DENND2B: variants seen among roughly 807,000 people sequenced by gnomAD.
The protein encoded by DENND2B is DENN domain-containing protein 2B.
Under a neutral mutation model 116.0 loss-of-function variants are expected in DENND2B, and 32 were observed. The observed-to-expected ratio is 0.28, with a 90% confidence interval of 0.21 to 0.37. DENND2B has a LOEUF of 0.37. DENND2B is among the 10% of genes least tolerant of loss of function. The pLI, the probability that DENND2B is intolerant of heterozygous loss-of-function variation, is 1.00. For missense variants in DENND2B, 1,276 were observed against 1,477.7 expected, an observed-to-expected ratio of 0.86 and a Z score of 2.24; for synonymous variants, 588 against 583.9, an observed-to-expected ratio of 1.01 and a Z score of -0.10.
At chr11:8,807,182 A>G (rs113250090) in intron 1 of DENND2B, among the ~76,000 whole-genome samples, 3 of 152,332 alleles carry the variant, frequency 2.0e-5, no homozygotes, top group South Asian at 2.1e-4. Flanking sequence ...CTTAGGCCCA[A>G]CGATGGAAAT....
chr11:8,842,015 A>G (rs2062640957), intron 3 of DENND2B, among the ~76,000 whole-genome samples: 1 of 152,206 alleles, frequency 6.6e-6, no homozygotes, highest in Non-Finnish European at 1.5e-5. Context: ...GTAGAAAGAA[A>G]TCTGCAATCA....
chr11:8,823,900 CTTCTT>C (rs2061862738), intron 4 of DENND2B, among the ~76,000 whole-genome samples: 1 of 103,578 alleles, frequency 9.7e-6, no homozygotes, highest in Non-Finnish European at 2.2e-5. Context: ...TCTTCTTCTT[CTTCTT>C]TTTTTTTTTT....
In DENND2B at chr11:8,695,564, C is replaced by T; in HGVS notation, c.3293-15G>A. On this transcript the variant is annotated splice_polypyrimidine_tract_variant and intron_variant, in intron 18 of 19. Transcript: ENST00000313726. ...CTCAAAAAGGCCTGGGTAAAAGAAA[C>T]AGGCACAGGGAAGAGAACAGTCATT... is the stretch of plus-strand genomic sequence containing the variant. 1 of 1,612,798 alleles carries T rather than the reference C, an allele frequency of 6.2e-7. No homozygotes were observed. The highest frequency in any genetic ancestry group is 8.5e-7 in the Non-Finnish European group (1 of 1,179,232).
chr11:8,714,442 C>T (rs1451454739), intron 7 of DENND2B, among the ~76,000 whole-genome samples, 168 bp downstream of exon 7: 2 of 152,238 alleles, frequency 1.3e-5, no homozygotes, highest in Non-Finnish European at 2.9e-5. Flanking sequence ...GCCTCACAGC[C>T]CAAAGTCTGA....
chr11:8,788,551 C>G (rs2059115160), intron 1 of DENND2B, among the ~76,000 whole-genome samples: 1 of 152,202 alleles, frequency 6.6e-6, no homozygotes, highest in African/African-American at 2.4e-5. Context: ...TACCCCACAT[C>G]TTCAAACTCT....
chr11:8,899,828 T>C (rs1199933603), intron 1 of DENND2B, among the ~76,000 whole-genome samples: 1 of 152,216 alleles, frequency 6.6e-6, no homozygotes, highest in Non-Finnish European at 1.5e-5. Flanking sequence ...TTTCTCACTT[T>C]TTCTCATAAC....
intron 1 of DENND2B, among the ~76,000 whole-genome samples, chr11:8,752,948 A>G (rs2052805916): frequency 6.6e-6 from 1 of 152,172 alleles, no homozygotes; most frequent in East Asian, 1.9e-4. Context: ...ATTAAAGATC[A>G]ATTTTGGGCC....
upstream of DENND2B, among the ~76,000 whole-genome samples, chr11:8,814,514 C>T (rs1485038512): frequency 6.6e-6 from 1 of 152,132 alleles, no homozygotes; most frequent in African/African-American, 2.4e-5. Flanking sequence ...TGCTGGGACA[C>T]TCCCCTACCA....
chr11:8,782,669 G>A (rs1593618869), intron 1 of DENND2B, among the ~76,000 whole-genome samples: 2 of 152,056 alleles, frequency 1.3e-5, no homozygotes, highest in African/African-American at 2.4e-5. Context: ...GGCAGATCAC[G>A]AGGTCAGGAG....
intron 4 of DENND2B, among the ~76,000 whole-genome samples, chr11:8,827,927 C>A (rs1227964694): frequency 1.3e-5 from 2 of 152,118 alleles, no homozygotes; most frequent in Non-Finnish European, 2.9e-5. Context: ...CCAGGTAATC[C>A]ATTTCCTCCT....
At chr11:8,858,459 A>C (rs903305791) in intron 2 of DENND2B, among the ~76,000 whole-genome samples, 2 of 152,114 alleles carry the variant, frequency 1.3e-5, no homozygotes, top group Non-Finnish European at 2.9e-5. Context: ...ACTCGAGCCC[A>C]CACTCAAATG....
At chr11:8,725,993 T>A in intron 4 of DENND2B, 80 bp downstream of exon 4, 13 of 1,595,810 alleles carry the variant, frequency 8.1e-6, no homozygotes, top group Non-Finnish European at 1.1e-5. Flanking sequence ...GTGAAGGAGG[T>A]CAATCTAGGT....
At chr11:8,860,486 A>AGAAGGTGAAAGAGCACTACAAG (rs1322538360) in intron 2 of DENND2B, among the ~76,000 whole-genome samples, 1 of 152,174 alleles carries the variant, frequency 6.6e-6, no homozygotes, top group Non-Finnish European at 1.5e-5. Flanking sequence ...TACTTAACTA[A>AGAAGGTGAAAGAGCACTACAAG]GAAGGTGAAA....
At chr11:8,807,502 A>C (rs2060975442) in intron 1 of DENND2B, among the ~76,000 whole-genome samples, 1 of 152,160 alleles carries the variant, frequency 6.6e-6, no homozygotes, top group South Asian at 2.1e-4. Flanking sequence ...AACCAGCAGA[A>C]CCAAGGGTGT....
chr11:8,728,127 C>T (rs1471675361), intron 3 of DENND2B, among the ~76,000 whole-genome samples: 1 of 152,048 alleles, frequency 6.6e-6, no homozygotes, highest in African/African-American at 2.4e-5. Flanking sequence ...CCTCAGCCTC[C>T]CAAGTAGCTG....
chr11:8,706,781 G>A (rs1305549693), intron 13 of DENND2B, among the ~76,000 whole-genome samples: 1 of 152,178 alleles, frequency 6.6e-6, no homozygotes, highest in Non-Finnish European at 1.5e-5. Flanking sequence ...TCTGAGGTCT[G>A]GCGCAATCCC....
chr11:8,886,806 T>G (rs1047977432), intron 1 of DENND2B, among the ~76,000 whole-genome samples: 1 of 152,132 alleles, frequency 6.6e-6, no homozygotes, highest in Non-Finnish European at 1.5e-5. Flanking sequence ...ATTTTCATCA[T>G]GATTTTGGTG....
chr11:8,827,635 A>C (rs2062029776), intron 4 of DENND2B, among the ~76,000 whole-genome samples: 1 of 152,172 alleles, frequency 6.6e-6, no homozygotes, highest in Non-Finnish European at 1.5e-5. Flanking sequence ...AGGGTCCAAG[A>C]CCCAGAGAGA....
At chr11:8,858,720 C>A (rs189613547) in intron 2 of DENND2B, among the ~76,000 whole-genome samples, 1 of 152,146 alleles carries the variant, frequency 6.6e-6, no homozygotes, top group African/African-American at 2.4e-5. Context: ...GGAGCCAGGA[C>A]CAGCTGAGGA....
Sources: gnomAD v4.1 joint callset for allele counts (sites outside exome capture counted in the v4.1 genomes callset) on GRCh38, gnomAD v4.1.1 for gene constraint, MANE v1.5 for transcripts, NCBI Gene and HGNC (gene_info 2026-07-23, HGNC 2026-07-21) for gene names.